FHDC1: variants seen among roughly 807,000 people sequenced by gnomAD.
The protein encoded by FHDC1 is FH2 domain containing 1.
Under a neutral mutation model 52.6 loss-of-function variants are expected in FHDC1, and 25 were observed. That is an observed-to-expected ratio of 0.48 (90% CI 0.35 to 0.66). FHDC1 has a LOEUF of 0.66. Ranked by LOEUF, FHDC1 falls within the 30% of genes least tolerant of loss-of-function variation. The pLI is 0.01. For synonymous variants in FHDC1, 616 were observed against 581.5 expected (o/e 1.06, Z -0.85); for missense variants, 1,459 against 1,452.8 (o/e 1.00, Z -0.07).
intron 2 of FHDC1, among the ~76,000 whole-genome samples, chr4:152,951,699 A>C (rs576034670): frequency 6.6e-6 from 1 of 152,172 alleles, no homozygotes; most frequent in Non-Finnish European, 1.5e-5. Context: ...AATCACATAC[A>C]TTTGGAAAGG....
In FHDC1 at chr4:152,976,957, C is replaced by T. The variant is rs1341046608; in HGVS notation, c.*234C>T. 2.6e-6 allele frequency: 1 copy of T among 391,888 alleles called. No homozygotes were observed. Among genetic ancestry groups the T allele is most frequent in the Non-Finnish European group, 4.4e-6 (1 of 229,124 alleles). The allele number at this position is 391,888 out of a possible 1,614,324, so 24.3% of individuals were successfully genotyped here. ...GATGCACGTTCACTACTGTGACGGC[C>T]GCACCTCCCCCATGCACCCCACCCT... On this transcript the variant is annotated 3_prime_UTR_variant, in exon 12 of 12. Transcript: ENST00000511601.
At chr4:152,968,150 C>A in intron 10 of FHDC1, 53 bp downstream of exon 10, 1 of 1,328,516 alleles carries the variant, frequency 7.5e-7, no homozygotes, top group Non-Finnish European at 1.1e-6. Context: ...AGCAGCACCC[C>A]GGGGCTGGTT....
chr4:152,954,310 G>A lies in FHDC1; in HGVS notation c.654G>A (p.Glu218=). 6.2e-7 allele frequency: 1 copy of A among 1,613,532 alleles called. No homozygotes were observed. Among genetic ancestry groups the A allele is most frequent in the Non-Finnish European group, 8.5e-7 (1 of 1,179,448 alleles). The change falls in exon 4 of 12, where the codon GAG becomes GAA. Residue 218 remains glutamate, a synonymous_variant. Transcript: ENST00000511601. ...GAGAATTTCTTAAGTTTTTGCCAGAGTCAGAAGAGGTAAGAAATTCAGCGC... is the reference window on the plus strand; with the variant it reads ...GAGAATTTCTTAAGTTTTTGCCAGAATCAGAAGAGGTAAGAAATTCAGCGC... ...TLREFLKFLP[E]SEEVKKLKAF... is the part of the protein sequence containing the mutation.
intron 6 of FHDC1, among the ~76,000 whole-genome samples, chr4:152,962,495 C>G (rs1427562733): frequency 6.6e-6 from 1 of 152,150 alleles, no homozygotes; most frequent in Non-Finnish European, 1.5e-5. Flanking sequence ...GAAGTTAACT[C>G]CTATCTCACG....
chr4:152,968,003 C>T lies in FHDC1; in HGVS notation c.1124C>T (p.Ala375Val). 6.2e-7 allele frequency: 1 copy of T among 1,613,512 alleles called. No individual in the cohort carries two copies. The highest frequency in any genetic ancestry group is 8.5e-7 in the Non-Finnish European group (1 of 1,179,760). ...AGATTATCTCTGGAGAACACGGAGGCAGAACTGCACTTGCTGTTTGTCAGG... is the reference window on the plus strand; with the variant it reads ...AGATTATCTCTGGAGAACACGGAGGTAGAACTGCACTTGCTGTTTGTCAGG... Reference protein sequence around the residue: ...TARLSLENTEAELHLLFVRTK... With the variant: ...TARLSLENTEVELHLLFVRTK... The change falls in exon 10 of 12, where the codon GCA (alanine) becomes GTA (valine). Residue 375 changes from alanine (A) to valine (V), a missense_variant. This residue lies in a region of FHDC1 where 513 missense variants were observed against 581.5 expected (regional missense o/e 0.88). Coordinates refer to ENST00000511601, the MANE Select transcript of FHDC1 (RefSeq NM_001371116.1).
chr4:152,941,240 G>A (rs1262591112), intron 1 of FHDC1, among the ~76,000 whole-genome samples: 5 of 152,158 alleles, frequency 3.3e-5, no homozygotes, highest in Non-Finnish European at 5.9e-5. Context: ...TGATCACCAA[G>A]CATTGAGAAA....
chr4:152,946,412 A>G (rs1218743129), intron 2 of FHDC1, among the ~76,000 whole-genome samples: 3 of 152,230 alleles, frequency 2.0e-5, no homozygotes, highest in Non-Finnish European at 4.4e-5. Flanking sequence ...TTTTCATGTT[A>G]TCTGTAGCGT....
the FHDC1 span, among the ~76,000 whole-genome samples, chr4:152,925,715 T>C: frequency 6.9e-6 from 1 of 144,536 alleles, no homozygotes; most frequent in African/African-American, 2.5e-5. Flanking sequence ...GCATCCTCCT[T>C]TTTTTTTTTT....
Position 152,976,404 on chromosome 4 carries a change from A to C in FHDC1, c.3113A>C (p.Asn1038Thr). Reference sequence around the variant, plus strand: ...CCCCGTGTCCCGAGCTTTGCCCGGAACACAGTGGCCTCCTCCTCTCGAAGC... The same window carrying C: ...CCCCGTGTCCCGAGCTTTGCCCGGACCACAGTGGCCTCCTCCTCTCGAAGC... ...ELPRVPSFARNTVASSSRSMR... is the reference protein window; with the variant it reads ...ELPRVPSFARTTVASSSRSMR... Residue 1038 changes from asparagine (N) to threonine (T), a missense_variant, in exon 12 of 12, where the codon AAC (asparagine) becomes ACC (threonine). By Grantham distance (65) the Asn-to-Thr change is moderately conservative (BLOSUM62 0). This residue lies in a region of FHDC1 where 939 missense variants were observed against 854.5 expected (regional missense o/e 1.10). Coordinates refer to ENST00000511601, the MANE Select transcript of FHDC1 (RefSeq NM_001371116.1). The C allele has an allele frequency of 6.2e-7, 1 of 1,613,764 alleles. No individual in the cohort carries two copies. Among genetic ancestry groups the C allele is most frequent in the Non-Finnish European group, 8.5e-7 (1 of 1,180,018 alleles).
At chr4:152,959,140 A>C (rs966078017) in intron 4 of FHDC1, among the ~76,000 whole-genome samples, 1 of 152,232 alleles carries the variant, frequency 6.6e-6, no homozygotes, top group Non-Finnish European at 1.5e-5. Context: ...GAATAATATG[A>C]AGTGTTAGCT....
chr4:152,950,634 C>T (rs566414508), intron 2 of FHDC1, among the ~76,000 whole-genome samples: 2 of 152,322 alleles, frequency 1.3e-5, no homozygotes, highest in East Asian at 3.9e-4. Context: ...GGCTCAGGCC[C>T]CTGGAGGCTC....
intron 2 of FHDC1, among the ~76,000 whole-genome samples, chr4:152,951,568 A>G (rs1208595411): frequency 6.6e-6 from 1 of 152,114 alleles, no homozygotes; most frequent in Non-Finnish European, 1.5e-5. Context: ...TAAAAATTTA[A>G]CCTTATAGCC....
In FHDC1 at chr4:152,975,330, C is replaced by G. The variant is rs765319146; in HGVS notation, c.2039C>G (p.Ala680Gly). The change falls in exon 12 of 12, where the codon GCC becomes GGC. Residue 680 changes from alanine to glycine, a missense_variant. Physicochemically the swap from Ala to Gly is moderately conservative, Grantham distance 60 (BLOSUM62 0). Around this residue, in one of 3 missense-constraint regions of FHDC1, gnomAD observed 939 missense variants for 854.5 expected, o/e 1.10. Coordinates refer to ENST00000511601, the MANE Select transcript of FHDC1 (RefSeq NM_001371116.1). ...IKEHELVTGLAQFNLQGSQGM... is the reference protein window; with the variant it reads ...IKEHELVTGLGQFNLQGSQGM... ...GAGCATGAGCTGGTGACAGGGCTGG[C>G]CCAGTTCAACCTCCAGGGTTCCCAG... The G allele has an allele frequency of 6.2e-7, 1 of 1,613,660 alleles. No homozygotes were observed. The highest frequency in any genetic ancestry group is 8.5e-7 in the Non-Finnish European group (1 of 1,180,020).
At chr4:152,915,550 T>C in the FHDC1 span, among the ~76,000 whole-genome samples, 2 of 152,240 alleles carry the variant, frequency 1.3e-5, no homozygotes, top group East Asian at 1.9e-4. Flanking sequence ...AGTACACTTA[T>C]AACTTACTCT....
rs1740959470 is a variant in FHDC1, at chr4:152,978,206, A to G, written c.*1483A>G. On this transcript the variant is annotated 3_prime_UTR_variant, in exon 12 of 12. Transcript: ENST00000511601. ...ATGTTCCTCCATTCGTGTGTCTGTT[A>G]TAAAACTGAGTGAAGGCTGCTATGA... is the stretch of plus-strand genomic sequence containing the variant. The G allele has an allele frequency of 6.6e-6, 1 of 152,212 alleles. No homozygotes were observed. The highest frequency in any genetic ancestry group is 2.4e-5 in the African/African-American group (1 of 41,450). 9.4% of individuals were successfully genotyped at this position (152,212 alleles called of 1,614,324 possible).
intron 2 of FHDC1, among the ~76,000 whole-genome samples, chr4:152,948,441 A>G (rs1042107955): frequency 6.6e-6 from 1 of 151,946 alleles, no homozygotes; most frequent in East Asian, 1.9e-4. Flanking sequence ...AGGGGAATGG[A>G]GAGTTAATTG....
chr4:152,949,109 TAATAATAATAATAATAAGAAGAAG>T (rs1480556990), intron 2 of FHDC1, among the ~76,000 whole-genome samples: 1,046 of 74,962 alleles, frequency 0.014, 13 homozygotes, highest in South Asian at 0.042. Context: ...ATAATAATAA[TAATAATAATAATAATAAGAAGAAG>T]AAGAAGAAGA....
chr4:152,924,232 T>A, the FHDC1 span, among the ~76,000 whole-genome samples: 1 of 151,924 alleles, frequency 6.6e-6, no homozygotes, highest in East Asian at 1.9e-4. Context: ...AAGAAGACAT[T>A]TATGCAGCCA....
chr4:152,922,713 C>T, the FHDC1 span, among the ~76,000 whole-genome samples: 1 of 152,078 alleles, frequency 6.6e-6, no homozygotes, highest in Admixed American at 6.5e-5. Flanking sequence ...ATACGCAAAT[C>T]AATAAATGTA....
Sources: gnomAD v4.1 joint callset for allele counts (sites outside exome capture counted in the v4.1 genomes callset) on GRCh38, gnomAD v4.1.1 for gene constraint, gnomAD v4.1.1 regional missense constraint, MANE v1.5 for transcripts, NCBI Gene and HGNC (gene_info 2026-07-23, HGNC 2026-07-21) for gene names.